Variants in NDUFAF4 observed in about 807,000 individuals in gnomAD.
NDUFAF4 encodes NADH dehydrogenase [ubiquinone] 1 alpha subcomplex assembly factor 4.
NDUFAF4 carries 10 observed loss-of-function variants against 15.6 expected under a neutral mutation model. That is an observed-to-expected ratio of 0.64 (90% confidence interval 0.40 to 1.09). NDUFAF4 has a LOEUF of 1.09. Ranked by LOEUF, NDUFAF4 falls within the 50% of genes least tolerant of loss-of-function variation. The pLI is 0.01. For synonymous variants in NDUFAF4, 77 were observed against 73.3 expected, an observed-to-expected ratio of 1.05 and a Z score of -0.26; for missense variants, 203 against 207.3, an observed-to-expected ratio of 0.98 and a Z score of 0.13.
chr6:96,892,830 T>C (rs1237792758), intron 2 of NDUFAF4, among the ~76,000 whole-genome samples: 1 of 152,234 alleles, frequency 6.6e-6, no homozygotes, highest in East Asian at 1.9e-4. Context: ...ACTCTACACA[T>C]TCTTCCAAAG....
At chr6:96,894,021 A>G (rs1267046301) in intron 2 of NDUFAF4, among the ~76,000 whole-genome samples, 1 of 152,202 alleles carries the variant, frequency 6.6e-6, no homozygotes, top group Non-Finnish European at 1.5e-5. Flanking sequence ...TAACCTAGCA[A>G]TGTGGGTAGC....
At chr6:96,897,449 T>A (rs894030516) in intron 1 of NDUFAF4, among the ~76,000 whole-genome samples, 5 of 152,166 alleles carry the variant, frequency 3.3e-5, no homozygotes, top group African/African-American at 1.2e-4. Context: ...CCTCTGGGTC[T>A]CGGAAGTAGG....
Position 96,896,848 on chromosome 6 carries a change from C to A in NDUFAF4, c.137-1G>T, listed in dbSNP as rs1180249833. 2 of 1,607,516 alleles carry A rather than the reference C, an allele frequency of 1.2e-6. No individual in the cohort carries two copies. Among genetic ancestry groups the A allele is most frequent in the Non-Finnish European group, 1.7e-6 (2 of 1,174,254 alleles). On this transcript the variant is annotated splice_acceptor_variant, in intron 1 of 2. Transcript: ENST00000316149. LOFTEE classifies it high-confidence loss of function. ...ATCTCTCCTTTAACTTCTGGATAGA[C>A]TAAGGAAAGGAAAAAAGTCACAATA...
chr6:96,895,794 C>T (rs1242108532), intron 2 of NDUFAF4, among the ~76,000 whole-genome samples: 1 of 152,104 alleles, frequency 6.6e-6, no homozygotes, highest in Non-Finnish European at 1.5e-5. Context: ...TTTTATTTCT[C>T]CTCTGTAGTG....
In NDUFAF4 at chr6:96,890,865, C is replaced by A; in HGVS notation, c.*239G>T. 1 of 441,864 alleles carries A rather than the reference C, an allele frequency of 2.3e-6. No homozygotes were observed. Among genetic ancestry groups the A allele is most frequent in the Non-Finnish European group, 4.1e-6 (1 of 244,666 alleles). 27.4% of individuals were successfully genotyped at this position (441,864 alleles called of 1,614,324 possible). A position where few individuals can be genotyped will look rare whatever the true frequency, so the allele number is the denominator to read the frequency against. ...TAACTCTTTCACCATAATAAAGGTA[C>A]AGATGTGCTCAGTCATGCTGACATG... On this transcript the variant is annotated 3_prime_UTR_variant, in exon 3 of 3. Coordinates refer to ENST00000316149, the MANE Select transcript of NDUFAF4 (RefSeq NM_014165.4).
chr6:96,891,522 T>C, intron 2 of NDUFAF4, 131 bp from the exon 3 acceptor site: 1 of 959,788 alleles, frequency 1.0e-6, no homozygotes, highest in Non-Finnish European at 1.6e-6. Context: ...CACCCAAATC[T>C]CATGTCACCA....
rs1305391849 is a variant in NDUFAF4 at position 96,890,016 on chromosome 6, T to C, written c.*1088A>G. 2 of 152,148 alleles carry C rather than the reference T, an allele frequency of 1.3e-5. No homozygotes were observed. The highest frequency in any genetic ancestry group is 2.9e-5 in the Non-Finnish European group (2 of 68,018). The allele number at this position is 152,148 out of a possible 1,614,324, so 9.4% of individuals were successfully genotyped here. A position where few individuals can be genotyped will look rare whatever the true frequency, so the allele number is the denominator to read the frequency against. On this transcript the variant is annotated 3_prime_UTR_variant, in exon 3 of 3. Transcript: ENST00000316149. ...CTTACATTTAGGGTAGCATTATGCT[T>C]ATTTTATAGAAGAAACTCAATCTCC... is the stretch of plus-strand genomic sequence containing the variant.
At position 96,894,237 on chromosome 6, in the gene NDUFAF4, T is replaced by C. The variant is rs548988967; in HGVS notation, c.240+2507A>G. On this transcript the variant is annotated intron_variant, in intron 2 of 2. Coordinates refer to ENST00000316149, the MANE Select transcript of NDUFAF4 (RefSeq NM_014165.4). Reference sequence around the variant, plus strand: ...CCTGTCTAGGATGTGAATCCTCCCTTTGTCCAGTGTATCCATGCTGTACAG... The same window carrying C: ...CCTGTCTAGGATGTGAATCCTCCCTCTGTCCAGTGTATCCATGCTGTACAG... Among the ~76,000 whole-genome samples, 13 of 152,326 alleles carry C rather than the reference T, an allele frequency of 8.5e-5. No homozygotes were observed. In the East Asian group the frequency reaches 2.1e-3, roughly 25 times the overall value.
At chr6:96,896,615 C>A in intron 2 of NDUFAF4, 129 bp downstream of exon 2, 1 of 766,180 alleles carries the variant, frequency 1.3e-6, no homozygotes, top group Non-Finnish European at 2.3e-6. Flanking sequence ...TTAAACTTTG[C>A]CAAGGCGTGT....
rs1356412016 is a variant in NDUFAF4, at chr6:96,890,481, A to G, written c.*623T>C. On this transcript the variant is annotated 3_prime_UTR_variant, in exon 3 of 3. Transcript: ENST00000316149. The stretch of plus-strand genomic sequence containing the variant: ...TCCCAACATTTTGTAAACACCACTA[A>G]TTACTTTTTATAACTGTAAAGACAA... 2.0e-5 allele frequency: 3 copies of G among 152,288 alleles called. No homozygotes were observed. The highest frequency in any genetic ancestry group is 7.2e-5 in the African/African-American group (3 of 41,552). The allele number at this position is 152,288 out of a possible 1,614,324, so 9.4% of individuals were successfully genotyped here.
In NDUFAF4 at chr6:96,897,750, C is replaced by T; in HGVS notation, c.52G>A (p.Ala18Thr). The T allele has an allele frequency of 1.2e-6, 2 of 1,614,184 alleles. No homozygotes were observed. The highest frequency in any genetic ancestry group is 1.7e-6 in the Non-Finnish European group (2 of 1,180,014). Reference protein sequence around the residue: ...GIRNFNLENRAEREISKMKPS... With the variant: ...GIRNFNLENRTEREISKMKPS... Reference sequence around the variant, plus strand: ...TTCATCTTGCTGATTTCCCGTTCCGCTCGGTTCTCTAGGTTGAAATTCCTG... The same window carrying T: ...TTCATCTTGCTGATTTCCCGTTCCGTTCGGTTCTCTAGGTTGAAATTCCTG... Residue 18 changes from alanine to threonine, a missense_variant, in exon 1 of 3, where the codon GCG becomes ACG. Physicochemically the swap from Ala to Thr is moderately conservative, Grantham distance 58. Transcript: ENST00000316149.
In NDUFAF4 at chr6:96,897,717, C is replaced by CA. The variant is rs1775406790; in HGVS notation, c.84dup (p.Val29CysfsTer17). 1 of 1,614,070 alleles carries CA rather than the reference C, an allele frequency of 6.2e-7. No homozygotes were observed. The highest frequency in any genetic ancestry group is 8.5e-7 in the Non-Finnish European group (1 of 1,180,024). On this transcript the variant is annotated frameshift_variant, in exon 1 of 3. Transcript: ENST00000316149. LOFTEE classifies it high-confidence loss of function. ...TTGGTAGAGGGGTGTCTGGGAGCGACAGAGGGCTTCATCTTGCTGATTTCC... is the reference window on the plus strand; with the variant it reads ...TTGGTAGAGGGGTGTCTGGGAGCGACAAGAGGGCTTCATCTTGCTGATTTCC...
rs1775288225 is a variant in NDUFAF4 at position 96,889,677 on chromosome 6, T to C, written c.*1427A>G. 6.6e-6 allele frequency: 1 copy of C among 152,566 alleles called. No individual in the cohort carries two copies. Among genetic ancestry groups the C allele is most frequent in the African/African-American group, 2.4e-5 (1 of 41,438 alleles). The allele number at this position is 152,566 out of a possible 1,614,324, so 9.5% of individuals were successfully genotyped here. On this transcript the variant is annotated 3_prime_UTR_variant, in exon 3 of 3. Coordinates refer to ENST00000316149, the MANE Select transcript of NDUFAF4 (RefSeq NM_014165.4). ...GCCTCATTCCGTCATCACATTGAAT[T>C]CTTCAACATCCTCTATATCATTTCC...
At chr6:96,893,277 C>T (rs191175091) in intron 2 of NDUFAF4, among the ~76,000 whole-genome samples, 1 of 152,278 alleles carries the variant, frequency 6.6e-6, no homozygotes, top group East Asian at 1.9e-4. Context: ...AGATAAAATG[C>T]ACTTTGTTCC....
At position 96,890,491 on chromosome 6, in the gene NDUFAF4, A is replaced by G. The variant is rs1369236148; in HGVS notation, c.*613T>C. On this transcript the variant is annotated 3_prime_UTR_variant, in exon 3 of 3. Coordinates refer to ENST00000316149, the MANE Select transcript of NDUFAF4 (RefSeq NM_014165.4). ...TTGTAAACACCACTAATTACTTTTT[A>G]TAACTGTAAAGACAATTATTCCATA... is the stretch of plus-strand genomic sequence containing the variant. 5 of 152,226 alleles carry G rather than the reference A, an allele frequency of 3.3e-5. No homozygotes were observed. The highest frequency in any genetic ancestry group is 1.3e-4 in the Admixed American group (2 of 15,280). 9.4% of individuals were successfully genotyped at this position (152,226 alleles called of 1,614,324 possible). A position where few individuals can be genotyped will look rare whatever the true frequency, so the allele number is the denominator to read the frequency against.
intron 1 of NDUFAF4, chr6:96,897,057 G>C: frequency 2.0e-6 from 1 of 511,842 alleles, no homozygotes; most frequent in Non-Finnish European, 3.5e-6. Context: ...CTCCCGACAA[G>C]CTGAGGCTAC....
chr6:96,894,700 T>C (rs1219826952), intron 2 of NDUFAF4, among the ~76,000 whole-genome samples: 1 of 152,116 alleles, frequency 6.6e-6, no homozygotes, highest in African/African-American at 2.4e-5. Context: ...CAATAAACAG[T>C]TTAAATTTAA....
rs569308295 is a variant in NDUFAF4 at position 96,889,475 on chromosome 6, T to C, written c.*1629A>G. On this transcript the variant is annotated 3_prime_UTR_variant, in exon 3 of 3. Transcript: ENST00000316149. ...ATAAAAAGAATAAAGTTTTGACTTATTTACAGTTTTAAAATGCATTTTATA... is the reference window on the plus strand; with the variant it reads ...ATAAAAAGAATAAAGTTTTGACTTACTTACAGTTTTAAAATGCATTTTATA... 1.3e-5 allele frequency: 2 copies of C among 152,366 alleles called. No homozygotes were observed. Among genetic ancestry groups the C allele is most frequent in the East Asian group, 3.9e-4 (2 of 5,194 alleles). The allele number at this position is 152,366 out of a possible 1,614,324, so 9.4% of individuals were successfully genotyped here.
intron 2 of NDUFAF4, among the ~76,000 whole-genome samples, chr6:96,891,975 T>TC (rs1182091637): frequency 1.3e-5 from 2 of 152,158 alleles, no homozygotes; most frequent in African/African-American, 4.8e-5. Flanking sequence ...ACTATAGCTC[T>TC]ATCATTAAGA....
Sources: gnomAD v4.1 joint callset for allele counts (sites outside exome capture counted in the v4.1 genomes callset) on GRCh38, gnomAD v4.1.1 for gene constraint, MANE v1.5 for transcripts, NCBI Gene and HGNC (gene_info 2026-07-23, HGNC 2026-07-21) for gene names.